The following CEP104 variants were observed in gnomAD, a reference collection of about 807,000 sequenced individuals.
CEP104 encodes centrosomal protein of 104 kDa.
In CEP104, 84 loss-of-function variants were observed where a neutral mutation model predicts 113.3. The ratio of observed to expected loss-of-function variants is 0.74; its 90% CI spans 0.62 to 0.89. CEP104 has a LOEUF of 0.89. Among genes scored for constraint, CEP104 ranks in the 40% least tolerant of loss-of-function variants. The pLI is 0.00. For synonymous variants in CEP104, 378 were observed against 421.7 expected (o/e 0.90, Z 1.27); for missense variants, 1,053 against 1,156.6 (o/e 0.91, Z 1.30).
Position 3,854,308 on chromosome 1 carries a change from A to G in CEP104, c.-14-1887T>C, listed in dbSNP as rs79372186. Among the ~76,000 whole-genome samples, 5 of 151,624 alleles carry G rather than the reference A, an allele frequency of 3.3e-5. No homozygotes were observed. The East Asian group carries it at 7.8e-4, about 24-fold the overall frequency. ...GGCCCAGCTCCAGTCATCTCCATCC[A>G]TGTCCTAACTCCAGAGCTCTTGGTG... On this transcript the variant is annotated intron_variant, in intron 1 of 21. Transcript: ENST00000378230.
intron 15 of CEP104, among the ~76,000 whole-genome samples, 167 bp downstream of exon 15, chr1:3,829,099 A>G (rs979305399): frequency 2.0e-5 from 3 of 152,196 alleles, no homozygotes; most frequent in Non-Finnish European, 4.4e-5. Flanking sequence ...CCACCTCTCC[A>G]TGGAGGGCTT....
intron 2 of CEP104, among the ~76,000 whole-genome samples, chr1:3,850,351 A>C (rs867675004): frequency 1.9e-4 from 29 of 152,234 alleles, no homozygotes; most frequent in African/African-American, 7.0e-4. Context: ...CTTCAAGATA[A>C]ATTGACAGAT....
In CEP104 at chr1:3,852,279, C is replaced by T. The variant is rs1644625679; in HGVS notation, c.113+16G>A. On this transcript the variant is annotated intron_variant, in intron 2 of 21. Coordinates refer to ENST00000378230, the MANE Select transcript of CEP104 (RefSeq NM_014704.4). ...GGCTGCCTCCCAGCCCAAGCCCCGC[C>T]CCGTCCAGTCCTCACCTAGGTGACC... 1 of 1,610,084 alleles carries T rather than the reference C, an allele frequency of 6.2e-7. No homozygotes were observed. The highest frequency in any genetic ancestry group is 1.1e-5 in the South Asian group (1 of 90,824).
Position 3,841,263 on chromosome 1 carries a change from G to T in CEP104, c.567-1487C>A, listed in dbSNP as rs549794211. 4.6e-5 allele frequency among the ~76,000 whole-genome samples: 7 copies of T among 152,242 alleles called. No homozygotes were observed. In the Middle Eastern group the frequency reaches 0.01, roughly 222 times the overall value. ...TGAATTCAAGTGGGGCATAGGAATA[G>T]GCCCCCTTTAAGCACTCACAGCCCC... On this transcript the variant is annotated intron_variant, in intron 6 of 21. Coordinates refer to ENST00000378230, the MANE Select transcript of CEP104 (RefSeq NM_014704.4).
In CEP104 at chr1:3,852,357, G is replaced by A. The variant is rs774783916; in HGVS notation, c.51C>T (p.Asp17=). The part of the protein sequence containing the change: ...FVVVSSSGHE[D]GFSARELMIH... ...TCATGAGCTCCCGGGCACTGAAGCC[G>A]TCTTCGTGTCCAGATGAGCTGACGA... Residue 17 remains aspartate, a synonymous_variant, in exon 2 of 22, where the codon GAC becomes GAT. Coordinates refer to ENST00000378230, the MANE Select transcript of CEP104 (RefSeq NM_014704.4). The A allele has an allele frequency of 2.5e-6, 4 of 1,614,084 alleles. No homozygotes were observed. Among genetic ancestry groups the A allele is most frequent in the Non-Finnish European group, 3.4e-6 (4 of 1,179,996 alleles).
At chr1:3,839,833 T>C in intron 6 of CEP104, 57 bp from the exon 7 acceptor site, 1 of 1,418,418 alleles carries the variant, frequency 7.1e-7, no homozygotes, top group Non-Finnish European at 9.7e-7. Flanking sequence ...AGTTCAGTGC[T>C]GAAGATGCAC....
At chr1:3,827,245 G>A (rs1038181038) in intron 15 of CEP104, among the ~76,000 whole-genome samples, 1 of 152,046 alleles carries the variant, frequency 6.6e-6, no homozygotes, top group African/African-American at 2.4e-5. Flanking sequence ...TTTAGACAGG[G>A]TCTCACTCTG....
intron 18 of CEP104, 151 bp downstream of exon 18, chr1:3,825,607 G>T: frequency 1.7e-6 from 1 of 605,112 alleles, no homozygotes; most frequent in Non-Finnish European, 3.0e-6. Context: ...TGACTCGCAC[G>T]CATTTGCGGG....
intron 15 of CEP104, among the ~76,000 whole-genome samples, chr1:3,828,149 A>G (rs1310625520): frequency 6.6e-6 from 1 of 152,020 alleles, no homozygotes; most frequent in Non-Finnish European, 1.5e-5. Flanking sequence ...GTGGTGAGGG[A>G]GGCGGGAGGC....
rs376283138 is a variant in CEP104, at chr1:3,842,765, T to C, written c.566+2142A>G. ...CTGTCAGAGAAGAGCCAAGGATTAT[T>C]TGGAATTCCTCTTTATTTAAAATTT... On this transcript the variant is annotated intron_variant, in intron 6 of 21. Coordinates refer to ENST00000378230, the MANE Select transcript of CEP104 (RefSeq NM_014704.4). Among the ~76,000 whole-genome samples the C allele has an allele frequency of 4.5e-4, 68 of 152,312 alleles. No homozygotes were observed. The South Asian group carries it at 0.014, about 31-fold the overall frequency.
At position 3,837,319 on chromosome 1, in the gene CEP104, AGGGAGTAACG is replaced by A. The variant is rs776094913; in HGVS notation, c.1082_1091del (p.Pro361LeufsTer37). ...TGATCTTTGGATGAGGATCTGTGGC[AGGGAGTAACG>A]GGTCTACTGCAGAATGCTGAGGAGA... On this transcript the variant is annotated frameshift_variant, in exon 9 of 22. Coordinates refer to ENST00000378230, the MANE Select transcript of CEP104 (RefSeq NM_014704.4). LOFTEE classifies it high-confidence loss of function. 6.2e-7 allele frequency: 1 copy of A among 1,613,404 alleles called. No homozygotes were observed. The highest frequency in any genetic ancestry group is 8.5e-7 in the Non-Finnish European group (1 of 1,179,326).
chr1:3,833,258 T>C (rs991027671), intron 12 of CEP104, among the ~76,000 whole-genome samples: 4 of 152,078 alleles, frequency 2.6e-5, no homozygotes, highest in African/African-American at 9.7e-5. Context: ...GGATTACAGG[T>C]GTGAGCCACC....
chr1:3,832,459 G>A (rs962872421), intron 12 of CEP104, among the ~76,000 whole-genome samples: 2 of 140,874 alleles, frequency 1.4e-5, no homozygotes, highest in South Asian at 2.4e-4. Flanking sequence ...GGAGTGTAGC[G>A]TAGGTCGTGA....
Position 3,823,655 on chromosome 1 carries a change from A to AG in CEP104, c.2365-94dup. The AG allele has an allele frequency of 4.7e-6, 7 of 1,501,622 alleles. No individual in the cohort carries two copies. Among genetic ancestry groups the AG allele is most frequent in the Non-Finnish European group, 6.4e-6 (7 of 1,090,344 alleles). 93.0% of individuals were successfully genotyped at this position (1,501,622 alleles called of 1,614,324 possible). On this transcript the variant is annotated intron_variant, in intron 18 of 21. Transcript: ENST00000378230. The surrounding 1 kb of genome is among the most constrained non-coding windows in gnomAD (Gnocchi z 4.1). ...GAGCCTGTGAGCGCCTCCCCTGCCCAGGGAGGTCTGTGCCGCCTGCACATG... is the reference window on the plus strand; with the variant it reads ...GAGCCTGTGAGCGCCTCCCCTGCCCAGGGGAGGTCTGTGCCGCCTGCACATG...
In CEP104 at chr1:3,819,207, CAA is replaced by C. The variant is rs1185220057; in HGVS notation, c.2572-2839_2572-2838del. Among the ~76,000 whole-genome samples the C allele has an allele frequency of 1.3e-5, 2 of 152,152 alleles. No homozygotes were observed. Among genetic ancestry groups the C allele is most frequent in the Non-Finnish European group, 2.9e-5 (2 of 68,032 alleles). Reference sequence around the variant, plus strand: ...GGCGAACCTTGAAAACACGTTAAGTCAAAGACACAAAGGCCGCATAGTGTCTG... The same window carrying C: ...GGCGAACCTTGAAAACACGTTAAGTCAGACACAAAGGCCGCATAGTGTCTG... On this transcript the variant is annotated intron_variant, in intron 20 of 21. Coordinates refer to ENST00000378230, the MANE Select transcript of CEP104 (RefSeq NM_014704.4). This position sits in a 1 kb window ranked among gnomAD's most constrained non-coding sequence, Gnocchi z 4.6.
Position 3,836,506 on chromosome 1 carries a change from C to T in CEP104, c.1306G>A (p.Gly436Arg), listed in dbSNP as rs771641376. The T allele has an allele frequency of 6.9e-7, 1 of 1,453,022 alleles. No homozygotes were observed. The highest frequency in any genetic ancestry group is 2.4e-5 in the East Asian group (1 of 41,820). The allele number at this position is 1,453,022 out of a possible 1,614,324, so 90.0% of individuals were successfully genotyped here. ...TTTTTTTTTTTTACCAAGGTTTCTC[C>T]CAACACATCGATGGCAGAGCTGGCT... The part of the protein sequence containing the change: ...REASSAIDVL[G>R]ETLVAEAYCK... The change falls in exon 10 of 22, where the codon GGA (glycine) becomes AGA (arginine). Residue 436 changes from glycine (G) to arginine (R), a missense_variant. By Grantham distance (125) the Gly-to-Arg change is moderately radical. Coordinates refer to ENST00000378230, the MANE Select transcript of CEP104 (RefSeq NM_014704.4).
At position 3,823,505 on chromosome 1, in the gene CEP104, C is replaced by T. The variant is rs151278058; in HGVS notation, c.2422G>A (p.Gly808Arg). ...CTGCAACGGTAACACTTTCCAAACC[C>T]GTCTTTTTTGTCACATTCCGTCAGC... ...HLLTECDKKDGFGKCYRCSEA... is the reference protein window; with the variant it reads ...HLLTECDKKDRFGKCYRCSEA... The change falls in exon 19 of 22, where the codon GGG (glycine) becomes AGG (arginine). Residue 808 changes from glycine to arginine, a missense_variant. Gly to Arg is a moderately radical substitution (Grantham distance 125). Coordinates refer to ENST00000378230, the MANE Select transcript of CEP104 (RefSeq NM_014704.4). This position sits in a 1 kb window ranked among gnomAD's most constrained non-coding sequence, Gnocchi z 4.1. The T allele has an allele frequency of 1.7e-5, 28 of 1,614,112 alleles. No individual in the cohort carries two copies. Among genetic ancestry groups the T allele is most frequent in the South Asian group, 3.3e-5 (3 of 91,082 alleles).
At chr1:3,826,895 C>T (rs1285003702) in intron 15 of CEP104, 151 bp from the exon 16 acceptor site, 2 of 808,950 alleles carry the variant, frequency 2.5e-6, no homozygotes, top group Middle Eastern at 2.3e-4. Flanking sequence ...GCCCGTAATC[C>T]CAGCACTTTG....
At chr1:3,826,480 T>C (rs1188221857) in intron 16 of CEP104, 44 bp from the exon 17 acceptor site, 2 of 1,554,962 alleles carry the variant, frequency 1.3e-6, no homozygotes, top group East Asian at 2.4e-5. Flanking sequence ...ATAGAAATTA[T>C]TTTCAAAATT....
Sources: gnomAD v4.1 joint callset for allele counts (sites outside exome capture counted in the v4.1 genomes callset) on GRCh38, gnomAD v4.1.1 for gene constraint, Gnocchi (gnomAD v3.1) non-coding constraint, MANE v1.5 for transcripts, NCBI Gene and HGNC (gene_info 2026-07-23, HGNC 2026-07-21) for gene names.